The following CYP4F22 variants were observed in gnomAD, a reference collection of about 807,000 sequenced individuals.
The protein encoded by CYP4F22 is cytochrome P450 family 4 subfamily F member 22, also known as ultra-long-chain fatty acid omega-hydroxylase.
A neutral mutation model predicts 60.4 loss-of-function variants in CYP4F22; 37 were observed. The ratio of observed to expected loss-of-function variants is 0.61; its 90% CI spans 0.47 to 0.81. CYP4F22 has a LOEUF of 0.81. Ranked by LOEUF, CYP4F22 falls within the 30% of genes least tolerant of loss-of-function variation. CYP4F22 has a pLI of 0.00. For synonymous variants in CYP4F22, 258 were observed against 280.5 expected (o/e 0.92, Z 0.80); for missense variants, 655 against 715.0 (o/e 0.92, Z 0.96).
In CYP4F22 at chr19:15,537,259, C is replaced by T. The variant is rs1474616751; in HGVS notation, c.368-102C>T. On this transcript the variant is annotated intron_variant, in intron 4 of 13. Transcript: ENST00000269703. ...GAGGTTGCAGTGAGTGGAGATCGCA[C>T]CACTGCACTCCAGCCTGGATGACAG... 5.4e-6 allele frequency: 8 copies of T among 1,471,008 alleles called. No homozygotes were observed. In the South Asian group the frequency reaches 6.9e-5, roughly 13 times the overall value. The allele number at this position is 1,471,008 out of a possible 1,614,324, so 91.1% of individuals were successfully genotyped here.
intron 4 of CYP4F22, 122 bp from the exon 5 acceptor site, chr19:15,537,239 T>C: frequency 7.7e-7 from 1 of 1,295,752 alleles, no homozygotes; most frequent in South Asian, 1.2e-5. Context: ...AGGCGGAGGT[T>C]GCAGTGAGTG....
At chr19:15,511,925 C>T (rs1971096994) in intron 1 of CYP4F22, among the ~76,000 whole-genome samples, 1 of 152,216 alleles carries the variant, frequency 6.6e-6, no homozygotes, top group African/African-American at 2.4e-5. Context: ...TTCACCACCA[C>T]CAGATAATGC....
At chr19:15,510,408 C>T (rs529343526) in intron 1 of CYP4F22, among the ~76,000 whole-genome samples, 1 of 152,222 alleles carries the variant, frequency 6.6e-6, no homozygotes, top group Non-Finnish European at 1.5e-5. Flanking sequence ...TTACTATGTG[C>T]CTGGAAGATT....
intron 7 of CYP4F22, 145 bp downstream of exon 7, chr19:15,538,138 C>T (rs1465177048): frequency 1.8e-6 from 2 of 1,138,074 alleles, no homozygotes; most frequent in East Asian, 2.5e-5. Context: ...GGAAACTGAC[C>T]ATCTCTCTGA....
chr19:15,540,418 G>C, intron 7 of CYP4F22, 32 bp from the exon 8 acceptor site: 1 of 1,613,906 alleles, frequency 6.2e-7, no homozygotes. Context: ...AGGGGAAGGG[G>C]CTACACTCAT....
At chr19:15,514,278 C>T (rs1971128252) in intron 1 of CYP4F22, among the ~76,000 whole-genome samples, 1 of 152,206 alleles carries the variant, frequency 6.6e-6, no homozygotes, top group Non-Finnish European at 1.5e-5. Context: ...AAATGTCTAA[C>T]TACATACACG....
Position 15,547,006 on chromosome 19 carries a change from T to C in CYP4F22, c.1137-1102T>C, listed in dbSNP as rs967336435. On this transcript the variant is annotated intron_variant, in intron 10 of 13. Coordinates refer to ENST00000269703, the MANE Select transcript of CYP4F22 (RefSeq NM_173483.4). ...GATTACAGGTATGAGCCACCATGCC[T>C]GGCCTGCACCAGTTTTTTTTTTTTT... Among the ~76,000 whole-genome samples, 29 of 137,440 alleles carry C rather than the reference T, an allele frequency of 2.1e-4. No individual in the cohort carries two copies. In the Admixed American group the frequency reaches 2.2e-3, roughly 11 times the overall value. 90.2% of individuals were successfully genotyped at this position (137,440 alleles called of 152,430 possible). A position where few individuals can be genotyped will look rare whatever the true frequency, so the allele number is the denominator to read the frequency against.
intron 13 of CYP4F22, among the ~76,000 whole-genome samples, 198 bp from the exon 14 acceptor site, chr19:15,551,096 G>A (rs1408256543): frequency 2.6e-5 from 4 of 152,190 alleles, no homozygotes; most frequent in Non-Finnish European, 5.9e-5. Flanking sequence ...GCTGTACTGG[G>A]ATTCAGACAC....
rs2144551751 is a variant in CYP4F22, at chr19:15,551,848, C to T, written c.*377C>T. The T allele has an allele frequency of 3.2e-6, 1 of 313,368 alleles. No homozygotes were observed. The highest frequency in any genetic ancestry group is 7.1e-5 in the East Asian group (1 of 14,162). 19.4% of individuals were successfully genotyped at this position (313,368 alleles called of 1,614,324 possible). On this transcript the variant is annotated 3_prime_UTR_variant, in exon 14 of 14. Coordinates refer to ENST00000269703, the MANE Select transcript of CYP4F22 (RefSeq NM_173483.4). Reference sequence around the variant, plus strand: ...CTCCAGGCCTTGCCCACTGAGCCTTCAGAGGACCTAAGACCCACCTATGAC... The same window carrying T: ...CTCCAGGCCTTGCCCACTGAGCCTTTAGAGGACCTAAGACCCACCTATGAC...
chr19:15,510,958 A>AT (rs1568351339), intron 1 of CYP4F22, among the ~76,000 whole-genome samples: 1 of 114,780 alleles, frequency 8.7e-6, no homozygotes, highest in Admixed American at 9.1e-5. Flanking sequence ...ATATATATAT[A>AT]TATATATATT....
chr19:15,548,517 A>G (rs1478711836), intron 11 of CYP4F22, among the ~76,000 whole-genome samples: 1 of 152,150 alleles, frequency 6.6e-6, no homozygotes, highest in Non-Finnish European at 1.5e-5. Context: ...TTCAGTTGCC[A>G]GTTACTCCCT....
At position 15,540,605 on chromosome 19, in the gene CYP4F22, C is replaced by G; in HGVS notation, c.827C>G (p.Thr276Ser). The change falls in exon 8 of 14, where the codon ACT becomes AGT. Residue 276 changes from threonine to serine, a missense_variant. Transcript: ENST00000269703. ...QACDMVHHFT[T>S]EVIQERRRAL... ...TGTGACATGGTGCACCACTTCACCA[C>G]TGAAGTCATCCAGGAACGGCGGCGG... The G allele has an allele frequency of 1.2e-6, 2 of 1,614,264 alleles. No individual in the cohort carries two copies. Among genetic ancestry groups the G allele is most frequent in the South Asian group, 2.2e-5 (2 of 91,088 alleles).
chr19:15,540,625 CGGCGG>C lies in CYP4F22; in HGVS notation c.849_853del (p.Arg284ThrfsTer11). On this transcript the variant is annotated frameshift_variant, in exon 8 of 14. Transcript: ENST00000269703. LOFTEE classifies it high-confidence loss of function. ...CACCACTGAAGTCATCCAGGAACGG[CGGCGG>C]GCACTGCGTCAGCAGGGGGCCGAGG... 1 of 1,614,218 alleles carries C rather than the reference CGGCGG, an allele frequency of 6.2e-7. No individual in the cohort carries two copies. Among genetic ancestry groups the C allele is most frequent in the South Asian group, 1.1e-5 (1 of 91,084 alleles).
intron 10 of CYP4F22, among the ~76,000 whole-genome samples, chr19:15,545,465 T>G (rs1446437993): frequency 6.6e-6 from 1 of 151,448 alleles, no homozygotes; most frequent in African/African-American, 2.4e-5. Flanking sequence ...CTGGGCAACA[T>G]GACGAAACCC....
Position 15,549,967 on chromosome 19 carries a change from C to T in CYP4F22, c.1336-707C>T, listed in dbSNP as rs973356751. The stretch of plus-strand genomic sequence containing the variant: ...TGAGACTGGGTCTTGCTCTGTTGCC[C>T]AAGCTGGAGCGTGTGCAGTGGTGCG... On this transcript the variant is annotated intron_variant, in intron 12 of 13. Coordinates refer to ENST00000269703, the MANE Select transcript of CYP4F22 (RefSeq NM_173483.4). Among the ~76,000 whole-genome samples the T allele has an allele frequency of 2.0e-5, 3 of 152,056 alleles. No homozygotes were observed. The South Asian group carries it at 6.2e-4, about 32-fold the overall frequency.
chr19:15,515,716 ACT>A (rs1386220010), intron 1 of CYP4F22, among the ~76,000 whole-genome samples: 1 of 151,036 alleles, frequency 6.6e-6, no homozygotes. Context: ...ACAGAGCGAG[ACT>A]CTGTCTTTTT....
intron 10 of CYP4F22, among the ~76,000 whole-genome samples, chr19:15,546,471 C>G (rs1971527511): frequency 2.0e-5 from 3 of 152,180 alleles, no homozygotes; most frequent in Admixed American, 2.0e-4. Context: ...GTAATCCCAG[C>G]TGCTTGAGAA....
chr19:15,531,201 AC>A (rs1487767626), intron 4 of CYP4F22, among the ~76,000 whole-genome samples: 2 of 152,066 alleles, frequency 1.3e-5, no homozygotes, highest in African/African-American at 4.8e-5. Flanking sequence ...ATCTAGCAAG[AC>A]CCCATCTGTA....
chr19:15,519,658 C>T (rs1473854908), intron 1 of CYP4F22, among the ~76,000 whole-genome samples: 1 of 152,022 alleles, frequency 6.6e-6, no homozygotes, highest in Non-Finnish European at 1.5e-5. Context: ...GGGAGCCATG[C>T]AGGGTGTTAG....
Sources: gnomAD v4.1 joint callset for allele counts (sites outside exome capture counted in the v4.1 genomes callset) on GRCh38, gnomAD v4.1.1 for gene constraint, MANE v1.5 for transcripts, NCBI Gene and HGNC (gene_info 2026-07-23, HGNC 2026-07-21) for gene names.